MACF1: variants seen among roughly 807,000 people sequenced by gnomAD.
MACF1 encodes microtubule actin crosslinking factor 1.
Under a neutral mutation model 854.8 loss-of-function variants are expected in MACF1, and 193 were observed. That is an observed-to-expected ratio of 0.23 (90% CI 0.20 to 0.25). The LOEUF (loss-of-function observed/expected upper bound fraction) is 0.25. Ranked by LOEUF, MACF1 falls within the 10% of genes least tolerant of loss-of-function variation. The probability of loss-of-function intolerance (pLI) is 1.00; values close to 1 mark genes in which losing one functional copy is unlikely to be tolerated. For missense variants in MACF1, 7,722 were observed against 8,929.1 expected (o/e 0.86, Z 5.45); for synonymous variants, 3,185 against 3,226.7 (o/e 0.99, Z 0.44).
chr1:39,146,617 TCTTA>T (rs1401279247), intron 2 of MACF1, among the ~76,000 whole-genome samples: 2 of 152,168 alleles, frequency 1.3e-5, no homozygotes, highest in African/African-American at 4.8e-5. Flanking sequence ...CATTGCATGT[TCTTA>T]CTTATTTGTG....
intron 40 of MACF1, among the ~76,000 whole-genome samples, chr1:39,343,488 A>G (rs997297415): frequency 6.6e-6 from 1 of 152,260 alleles, no homozygotes; most frequent in African/African-American, 2.4e-5. Context: ...GATATTACAA[A>G]GAAGCAAGCA....
chr1:39,459,904 T>A (rs1284061180), intron 91 of MACF1: 1 of 1,151,470 alleles, frequency 8.7e-7, no homozygotes, highest in South Asian at 1.3e-5. Context: ...TTCTTGGTGC[T>A]TTTTTCCCCC....
At chr1:39,397,213 G>T (rs1199046551) in intron 58 of MACF1, among the ~76,000 whole-genome samples, 2 of 152,094 alleles carry the variant, frequency 1.3e-5, no homozygotes, top group East Asian at 1.9e-4. Context: ...GTGAAATTAT[G>T]TCTGGAAAAA....
intron 2 of MACF1, among the ~76,000 whole-genome samples, chr1:39,128,035 G>A (rs1251458485): frequency 2.0e-5 from 3 of 152,148 alleles, no homozygotes; most frequent in Admixed American, 1.3e-4. Flanking sequence ...CCACTGGTCA[G>A]GGTAACCACT....
intron 1 of MACF1, among the ~76,000 whole-genome samples, chr1:39,212,574 A>G (rs1489200870): frequency 6.6e-6 from 1 of 152,126 alleles, no homozygotes; most frequent in Admixed American, 6.6e-5. Flanking sequence ...AAGTTGCCAC[A>G]TGTGTTCATT....
At chr1:39,389,120 C>T (rs1003314897) in intron 58 of MACF1, among the ~76,000 whole-genome samples, 5 of 151,738 alleles carry the variant, frequency 3.3e-5, no homozygotes, top group Admixed American at 2.6e-4. Context: ...AGGCAATCCG[C>T]CCACCTCAGC....
In MACF1 at chr1:39,193,491, G is replaced by T. The variant is rs137977734; in HGVS notation, c.221-37691G>T. On this transcript the variant is annotated intron_variant, in intron 2 of 93. Transcript: ENST00000361689. ...GCCACTGAGGATGACTTGATGCCCTGCTAGGAGGTCTCTTGTGTGGTAATC... is the reference window on the plus strand; with the variant it reads ...GCCACTGAGGATGACTTGATGCCCTTCTAGGAGGTCTCTTGTGTGGTAATC... 1.4e-4 allele frequency among the ~76,000 whole-genome samples: 22 copies of T among 152,244 alleles called. No homozygotes were observed. In the East Asian group the frequency reaches 3.7e-3, roughly 25 times the overall value.
intron 49 of MACF1, among the ~76,000 whole-genome samples, chr1:39,362,556 T>C (rs1412729038): frequency 6.6e-6 from 1 of 152,236 alleles, no homozygotes. Flanking sequence ...TTTATGATAC[T>C]TAACGTTTTC....
intron 58 of MACF1, among the ~76,000 whole-genome samples, chr1:39,416,038 C>T (rs1437254946): frequency 6.6e-6 from 1 of 152,124 alleles, no homozygotes; most frequent in Admixed American, 6.5e-5. Flanking sequence ...TCAGGGCAGC[C>T]TTAAGTCAGC....
In MACF1 at chr1:39,292,748, T is replaced by TC. The variant is rs777831930; in HGVS notation, c.1915-17dup. On this transcript the variant is annotated splice_polypyrimidine_tract_variant and intron_variant, in intron 16 of 100. Transcript: ENST00000564288. ...ACTCTTTCTCTAATGTATTTTTATT[T>TC]CATTCTTTTTTAATCAGGGAAAGAT... 1.9e-6 allele frequency: 3 copies of TC among 1,570,686 alleles called. No individual in the cohort carries two copies. The Admixed American group carries it at 5.2e-5, about 27-fold the overall frequency.
intron 40 of MACF1, among the ~76,000 whole-genome samples, chr1:39,341,815 T>C (rs1026049917): frequency 5.3e-5 from 8 of 151,594 alleles, no homozygotes; most frequent in South Asian, 2.1e-4. Context: ...ATCCTCTCTT[T>C]ATAAATGAGC....
chr1:39,427,694 T>C, intron 62 of MACF1, 80 bp downstream of exon 62: 1 of 1,401,162 alleles, frequency 7.1e-7, no homozygotes, highest in South Asian at 1.3e-5. Context: ...TGCAGCATTC[T>C]AGAGGATGTG....
intron 15 of MACF1, 84 bp downstream of exon 15, chr1:39,287,646 G>A: frequency 7.0e-7 from 1 of 1,436,620 alleles, no homozygotes; most frequent in Non-Finnish European, 9.7e-7. Context: ...ATTGCTTTGT[G>A]TTCCCTGTGC....
At position 39,096,483 on chromosome 1, in the gene MACF1, G is replaced by A. The variant is rs901787106; in HGVS notation, c.220+12045G>A. Among the ~76,000 whole-genome samples, 6 of 151,896 alleles carry A rather than the reference G, an allele frequency of 4.0e-5. No homozygotes were observed. In the South Asian group the frequency reaches 6.2e-4, roughly 16 times the overall value. On this transcript the variant is annotated intron_variant, in intron 2 of 93. Coordinates refer to the MACF1 transcript ENST00000361689. ...CTCATGCCTGTAATCCTAGCTACTC[G>A]GAGGGCTGAGGCAGGAGAATCACTT...
At chr1:39,114,303 C>G (rs1642491925) in intron 2 of MACF1, among the ~76,000 whole-genome samples, 1 of 151,522 alleles carries the variant, frequency 6.6e-6, no homozygotes, top group Admixed American at 6.6e-5. Context: ...TCGGCACTTT[C>G]AAAAATATAA....
At chr1:39,187,977 T>TCTCCCCTCCC (rs71057197) in intron 2 of MACF1, among the ~76,000 whole-genome samples, 15 of 118,414 alleles carry the variant, frequency 1.3e-4, no homozygotes, top group Admixed American at 1.7e-4. Context: ...TCTCCCCTCC[T>TCTCCCCTCCC]CTCCCCTCCC....
chr1:39,200,840 C>T (rs971350499), upstream of MACF1, among the ~76,000 whole-genome samples: 6 of 152,078 alleles, frequency 3.9e-5, no homozygotes, highest in Non-Finnish European at 8.8e-5. Context: ...TTTAGGAGGC[C>T]AAGGAAGGAG....
chr1:39,337,760 T>G (rs1030661272), intron 38 of MACF1, among the ~76,000 whole-genome samples: 8 of 141,460 alleles, frequency 5.7e-5, no homozygotes, highest in African/African-American at 1.5e-4. Context: ...GTTTTTTGTG[T>G]TTTTTTGTGT....
At chr1:39,148,570 A>G (rs552914833) in intron 2 of MACF1, among the ~76,000 whole-genome samples, 3 of 152,208 alleles carry the variant, frequency 2.0e-5, no homozygotes, top group Admixed American at 6.5e-5. Context: ...AGTTTGTAAC[A>G]TGTTTCTTCA....
Sources: allele counts gnomAD v4.1 joint callset (sites outside exome capture counted in the v4.1 genomes callset), GRCh38; gene constraint gnomAD v4.1.1; transcripts MANE v1.5; gene names NCBI Gene and HGNC (gene_info 2026-07-23, HGNC 2026-07-21).